The following MGAT4C variants were observed in gnomAD, a reference collection of about 807,000 sequenced individuals.
The protein encoded by MGAT4C is MGAT4 family member C.
A neutral mutation model predicts 40.1 loss-of-function variants in MGAT4C; 19 were observed. That is an observed-to-expected ratio of 0.47 (90% CI 0.33 to 0.70). MGAT4C has a LOEUF of 0.70. Ranked by LOEUF, MGAT4C falls within the 30% of genes least tolerant of loss-of-function variation. The pLI is 0.02. For missense variants in MGAT4C, 491 were observed against 563.2 expected (o/e 0.87, Z 1.30); for synonymous variants, 181 against 187.1 (o/e 0.97, Z 0.27).
At chr12:86,292,785 T>C (rs1953557062) in intron 4 of MGAT4C, among the ~76,000 whole-genome samples, 1 of 152,016 alleles carries the variant, frequency 6.6e-6, no homozygotes, top group Admixed American at 6.6e-5. Context: ...ATAAAATCGC[T>C]GTTGTGAGTT....
chr12:86,638,693 T>A (rs1169464494), intron 2 of MGAT4C, among the ~76,000 whole-genome samples: 1 of 151,822 alleles, frequency 6.6e-6, no homozygotes, highest in Non-Finnish European at 1.5e-5. Flanking sequence ...TAGTGACTGA[T>A]ATACAAGAAA....
chr12:86,697,393 G>A (rs937544048), intron 2 of MGAT4C, among the ~76,000 whole-genome samples: 10 of 152,034 alleles, frequency 6.6e-5, no homozygotes, highest in African/African-American at 2.4e-4. Flanking sequence ...GGATACAGTT[G>A]TAACCTAAAT....
chr12:86,728,647 C>G (rs777321835), intron 1 of MGAT4C, among the ~76,000 whole-genome samples: 2 of 152,124 alleles, frequency 1.3e-5, no homozygotes, highest in Non-Finnish European at 2.9e-5. Context: ...GCTGAGATCT[C>G]GTCACTGCCC....
rs1033354969 is a variant in MGAT4C at position 86,305,093 on chromosome 12, G to T, written c.-57+28972C>A. 2.7e-5 allele frequency among the ~76,000 whole-genome samples: 4 copies of T among 150,524 alleles called. 1 individual carries two copies. The highest frequency in any genetic ancestry group is 1.0e-4 in the African/African-American group (4 of 39,950). On this transcript the variant is annotated intron_variant, in intron 4 of 7. Coordinates refer to the MGAT4C transcript ENST00000548651. ...TTTAATTCTGATTTAAATTAGGTTTGGTTTAAAACTGAATATAATGATGTC... is the reference window on the plus strand; with the variant it reads ...TTTAATTCTGATTTAAATTAGGTTTTGTTTAAAACTGAATATAATGATGTC...
intron 2 of MGAT4C, among the ~76,000 whole-genome samples, chr12:86,655,009 C>G (rs1348689988): frequency 6.6e-6 from 1 of 151,826 alleles, no homozygotes. Flanking sequence ...ATCTTTTGCT[C>G]TTGACTTATA....
intron 2 of MGAT4C, among the ~76,000 whole-genome samples, chr12:86,656,161 T>A (rs1013652714): frequency 1.3e-5 from 2 of 152,132 alleles, no homozygotes; most frequent in African/African-American, 4.8e-5. Flanking sequence ...TAGAAAAATT[T>A]AGTACCATAG....
chr12:86,149,134 C>T (rs139979077), intron 1 of MGAT4C, among the ~76,000 whole-genome samples: 105 of 152,040 alleles, frequency 6.9e-4, no homozygotes, highest in African/African-American at 2.4e-3. Context: ...TATTTTAAAG[C>T]TTTTACATTA....
chr12:86,195,556 A>G (rs563669789), intron 1 of MGAT4C, among the ~76,000 whole-genome samples: 1 of 152,284 alleles, frequency 6.6e-6, no homozygotes, highest in Non-Finnish European at 1.5e-5. Context: ...AGACTAAAAT[A>G]TAAAGATTTA....
chr12:86,008,083 G>A (rs564678194), intron 2 of MGAT4C, among the ~76,000 whole-genome samples: 4 of 152,084 alleles, frequency 2.6e-5, no homozygotes, highest in East Asian at 1.9e-4. Context: ...ATATGATGAT[G>A]TGAGTCATTT....
At chr12:86,070,421 G>T (rs1423690279) in intron 1 of MGAT4C, among the ~76,000 whole-genome samples, 1 of 151,770 alleles carries the variant, frequency 6.6e-6, no homozygotes, top group Non-Finnish European at 1.5e-5. Context: ...AAAAATATTT[G>T]TTGAAAGAAT....
chr12:86,070,236 C>T (rs570131788), intron 1 of MGAT4C, among the ~76,000 whole-genome samples: 3 of 152,176 alleles, frequency 2.0e-5, no homozygotes, highest in African/African-American at 7.2e-5. Flanking sequence ...AACAGGCATT[C>T]TAATATACCT....
At chr12:86,628,550 G>A (rs903647999) in intron 2 of MGAT4C, among the ~76,000 whole-genome samples, 7 of 152,108 alleles carry the variant, frequency 4.6e-5, no homozygotes, top group Non-Finnish European at 1.0e-4. Context: ...CAGATCTGTC[G>A]GCAGAAACTC....
chr12:86,059,993 ACTTTT>A (rs1246806390), intron 1 of MGAT4C, among the ~76,000 whole-genome samples: 15 of 152,140 alleles, frequency 9.9e-5, no homozygotes, highest in African/African-American at 3.6e-4. Flanking sequence ...TTCTTTCAAG[ACTTTT>A]CTTTTGTTAT....
chr12:86,504,176 T>G (rs1958428926), intron 2 of MGAT4C, among the ~76,000 whole-genome samples: 1 of 151,982 alleles, frequency 6.6e-6, no homozygotes, highest in South Asian at 2.1e-4. Flanking sequence ...CAATACCTAG[T>G]GAGGATGTAG....
chr12:86,827,992 T>C (rs943314867), intron 1 of MGAT4C, among the ~76,000 whole-genome samples: 5 of 151,328 alleles, frequency 3.3e-5, no homozygotes, highest in African/African-American at 7.3e-5. Flanking sequence ...TGGAAATATA[T>C]ACCCATTTTT....
intron 4 of MGAT4C, among the ~76,000 whole-genome samples, chr12:86,271,931 T>C (rs919819796): frequency 1.3e-5 from 2 of 152,198 alleles, no homozygotes; most frequent in Non-Finnish European, 1.5e-5. Context: ...TTCTCACTTA[T>C]ATGTGAGATT....
chr12:86,536,002 T>C (rs1220304322), intron 2 of MGAT4C, among the ~76,000 whole-genome samples: 1 of 152,120 alleles, frequency 6.6e-6, no homozygotes, highest in Non-Finnish European at 1.5e-5. Context: ...ATGTAATTCA[T>C]TTGTATACAA....
intron 3 of MGAT4C, among the ~76,000 whole-genome samples, chr12:86,395,720 T>C (rs1344354300): frequency 6.6e-6 from 1 of 152,208 alleles, no homozygotes; most frequent in Non-Finnish European, 1.5e-5. Flanking sequence ...CTTGATTTTC[T>C]TTCCCTTGAA....
At chr12:86,160,427 G>A (rs867925520) in intron 1 of MGAT4C, among the ~76,000 whole-genome samples, 8 of 151,994 alleles carry the variant, frequency 5.3e-5, no homozygotes, top group Non-Finnish European at 1.0e-4. Flanking sequence ...TTGCACCGTG[G>A]TCTAAGAGTG....
Sources: gnomAD v4.1 joint callset for allele counts (sites outside exome capture counted in the v4.1 genomes callset) on GRCh38, gnomAD v4.1.1 for gene constraint, MANE v1.5 for transcripts, NCBI Gene and HGNC (gene_info 2026-07-23, HGNC 2026-07-21) for gene names.